NAALADL2: variants seen among roughly 807,000 people sequenced by gnomAD.
The protein encoded by NAALADL2 is N-acetylated alpha-linked acidic dipeptidase like 2, also known as inactive N-acetylated-alpha-linked acidic dipeptidase-like protein 2.
NAALADL2 carries 76 observed loss-of-function variants against 87.2 expected under a neutral mutation model. That is an observed-to-expected ratio of 0.87 (90% confidence interval 0.72 to 1.05). The LOEUF is 1.05. Among genes scored for constraint, NAALADL2 ranks in the 50% least tolerant of loss-of-function variants. NAALADL2 has a pLI of 0.00. For missense variants in NAALADL2, 1,089 were observed against 945.8 expected (o/e 1.15, Z -1.99); for synonymous variants, 354 against 331.0 (o/e 1.07, Z -0.75).
chr3:174,962,438 T>TA (rs1440601115), intron 1 of NAALADL2, among the ~76,000 whole-genome samples: 1 of 131,380 alleles, frequency 7.6e-6, no homozygotes, highest in African/African-American at 3.4e-5. Context: ...TATATGTATA[T>TA]TTTTAAGTCT....
intron 2 of NAALADL2, among the ~76,000 whole-genome samples, chr3:175,101,599 C>T (rs1722195261): frequency 6.6e-6 from 1 of 152,188 alleles, no homozygotes. Flanking sequence ...GCAAAAGCCG[C>T]AATTACTTTT....
intron 1 of NAALADL2, among the ~76,000 whole-genome samples, chr3:174,867,399 G>A (rs981657020): frequency 2.6e-5 from 4 of 151,944 alleles, no homozygotes; most frequent in African/African-American, 9.7e-5. Context: ...TAGCCAGTCT[G>A]TCTTAATGTG....
chr3:175,729,153 A>G (rs1743328846), intron 11 of NAALADL2, among the ~76,000 whole-genome samples: 1 of 152,172 alleles, frequency 6.6e-6, no homozygotes, highest in Non-Finnish European at 1.5e-5. Context: ...TTAATTTTTA[A>G]CTTCTTTTTC....
At chr3:174,736,901 C>T (rs1733270861) in intron 2 of NAALADL2, among the ~76,000 whole-genome samples, 1 of 152,178 alleles carries the variant, frequency 6.6e-6, no homozygotes, top group Non-Finnish European at 1.5e-5. Flanking sequence ...CTTGTTGGTG[C>T]CCAAAGTCTG....
intron 13 of NAALADL2, among the ~76,000 whole-genome samples, chr3:175,762,506 T>A (rs1748159752): frequency 6.6e-6 from 1 of 152,136 alleles, no homozygotes; most frequent in Non-Finnish European, 1.5e-5. Context: ...TTTTCATCTC[T>A]AAAATAGATC....
At chr3:174,723,421 G>C (rs902262670) in intron 2 of NAALADL2, among the ~76,000 whole-genome samples, 2 of 151,942 alleles carry the variant, frequency 1.3e-5, no homozygotes, top group Non-Finnish European at 2.9e-5. Context: ...TGTTATTATT[G>C]AAACGATCCA....
At chr3:174,987,135 G>A (rs982849955) in intron 1 of NAALADL2, among the ~76,000 whole-genome samples, 5 of 152,150 alleles carry the variant, frequency 3.3e-5, no homozygotes, top group Non-Finnish European at 5.9e-5. Flanking sequence ...TTTCAGCAAT[G>A]TAAGTGCTGA....
At chr3:174,817,280 G>A (rs1044332395) in intron 3 of NAALADL2, among the ~76,000 whole-genome samples, 2 of 152,188 alleles carry the variant, frequency 1.3e-5, no homozygotes, top group African/African-American at 4.8e-5. Flanking sequence ...GACAACTTAT[G>A]TGAAAGTATG....
intron 1 of NAALADL2, among the ~76,000 whole-genome samples, chr3:175,070,200 A>G (rs545486708): frequency 2.0e-5 from 3 of 148,924 alleles, no homozygotes; most frequent in Non-Finnish European, 4.5e-5. Flanking sequence ...ATAAAAATAA[A>G]AATTACAATA....
intron 2 of NAALADL2, 85 bp downstream of exon 2, chr3:175,097,376 T>C (rs902292990): frequency 2.4e-6 from 3 of 1,269,076 alleles, no homozygotes; most frequent in African/African-American, 1.5e-5. Context: ...TGATTTTTCA[T>C]GGTTCACGTC....
chr3:174,640,079 C>T (rs995986875), intron 2 of NAALADL2, among the ~76,000 whole-genome samples: 1 of 152,082 alleles, frequency 6.6e-6, no homozygotes, highest in African/African-American at 2.4e-5. Context: ...GCTTTAAATC[C>T]ACGTTAGGGG....
At chr3:174,591,388 T>C (rs1052959832) in intron 2 of NAALADL2, among the ~76,000 whole-genome samples, 10 of 152,218 alleles carry the variant, frequency 6.6e-5, no homozygotes, top group African/African-American at 9.6e-5. Flanking sequence ...TTCATCATTC[T>C]ACAGTAATGT....
intron 2 of NAALADL2, among the ~76,000 whole-genome samples, chr3:175,224,079 A>G (rs1032045887): frequency 1.1e-4 from 16 of 152,152 alleles, no homozygotes; most frequent in Admixed American, 8.5e-4. Context: ...TGGCGGCTCT[A>G]CAGCAACACA....
chr3:175,734,269 G>A (rs1379966488), intron 11 of NAALADL2, among the ~76,000 whole-genome samples: 1 of 152,134 alleles, frequency 6.6e-6, no homozygotes, highest in Admixed American at 6.5e-5. Flanking sequence ...TCTAGGCAGA[G>A]GTGGGCTGGG....
intron 2 of NAALADL2, among the ~76,000 whole-genome samples, chr3:175,136,508 C>G (rs1358607701): frequency 6.6e-6 from 1 of 152,100 alleles, no homozygotes; most frequent in African/African-American, 2.4e-5. Context: ...ATTAGGGGAC[C>G]AGGAGGCCAA....
rs760276553 is a variant in NAALADL2 at position 175,471,651 on chromosome 3, G to T, written c.1546G>T (p.Val516Phe). The T allele has an allele frequency of 3.3e-6, 5 of 1,493,712 alleles. No individual in the cohort carries two copies. Among genetic ancestry groups the T allele is most frequent in the Non-Finnish European group, 4.6e-6 (5 of 1,076,414 alleles). 92.5% of individuals were successfully genotyped at this position (1,493,712 alleles called of 1,614,324 possible). ...TTTGTTATTTCAGGATTTCAAGAAG[G>T]TTCTTCAGAAAAATGTTGTGGCTTA... ...SYEWGEDFKK[V>F]LQKNVVAYIS... Residue 516 changes from valine (V) to phenylalanine (F), a missense_variant, in exon 9 of 14, where the codon GTT becomes TTT. Val to Phe is a conservative substitution (Grantham distance 50). Coordinates refer to ENST00000454872, the MANE Select transcript of NAALADL2 (RefSeq NM_207015.3).
intron 1 of NAALADL2, among the ~76,000 whole-genome samples, chr3:175,047,721 G>T (rs2109003215): frequency 6.6e-6 from 1 of 152,168 alleles, no homozygotes; most frequent in South Asian, 2.1e-4. Context: ...ACTGAGACTA[G>T]ATCAAAGAAT....
At chr3:175,704,076 T>G (rs1294611992) in intron 11 of NAALADL2, among the ~76,000 whole-genome samples, 1 of 152,170 alleles carries the variant, frequency 6.6e-6, no homozygotes, top group Non-Finnish European at 1.5e-5. Flanking sequence ...GGAAAAACTT[T>G]CTTTCCTCTT....
chr3:175,091,691 T>C (rs1262651010), intron 1 of NAALADL2, among the ~76,000 whole-genome samples: 1 of 152,036 alleles, frequency 6.6e-6, no homozygotes, highest in African/African-American at 2.4e-5. Context: ...ACATCACCAA[T>C]TCCTGGAATA....
Sources: gnomAD v4.1 joint callset for allele counts (sites outside exome capture counted in the v4.1 genomes callset) on GRCh38, gnomAD v4.1.1 for gene constraint, MANE v1.5 for transcripts, NCBI Gene and HGNC (gene_info 2026-07-23, HGNC 2026-07-21) for gene names.